Variants in CATSPERE observed in about 807,000 individuals in gnomAD.
CATSPERE encodes cation channel sperm-associated auxiliary subunit epsilon.
Under a neutral mutation model 114.1 loss-of-function variants are expected in CATSPERE, and 93 were observed. The observed-to-expected ratio is 0.81, with a 90% CI of 0.69 to 0.97. The LOEUF is 0.97. CATSPERE is among the 50% of genes least tolerant of loss of function. The probability of loss-of-function intolerance (pLI) is 0.00; values close to 1 mark genes in which losing one functional copy is unlikely to be tolerated. For missense variants in CATSPERE, 1,058 were observed against 1,131.6 expected, an observed-to-expected ratio of 0.93 and a Z score of 0.93; for synonymous variants, 341 against 384.1, an observed-to-expected ratio of 0.89 and a Z score of 1.31.
intron 7 of CATSPERE, among the ~76,000 whole-genome samples, chr1:244,502,103 G>A (rs1388886452): frequency 1.3e-5 from 2 of 152,012 alleles, no homozygotes; most frequent in African/African-American, 2.4e-5. Context: ...TTTCACATGA[G>A]CAGATTGAGG....
In CATSPERE at chr1:244,489,045, T is replaced by TA. The variant is rs780722135; in HGVS notation, c.327-1397dup. On this transcript the variant is annotated intron_variant, in intron 5 of 21. Transcript: ENST00000366534. ...ACTGACTTTTAGAGATGATAAATGCTAAAAATATGCAGGTAACTTTACAGT... is the reference window on the plus strand; with the variant it reads ...ACTGACTTTTAGAGATGATAAATGCTAAAAAATATGCAGGTAACTTTACAGT... Among the ~76,000 whole-genome samples the TA allele has an allele frequency of 3.3e-4, 51 of 152,314 alleles. 1 individual carries two copies. In the East Asian group the frequency reaches 9.1e-3, roughly 27 times the overall value.
chr1:244,578,202 G>A (rs1461262179), intron 11 of CATSPERE, among the ~76,000 whole-genome samples: 1 of 152,156 alleles, frequency 6.6e-6, no homozygotes, highest in Non-Finnish European at 1.5e-5. Flanking sequence ...TGCCCAGGCT[G>A]GAGTGCAGCG....
At chr1:244,473,296 C>G (rs1278088200) in intron 2 of CATSPERE, among the ~76,000 whole-genome samples, 1 of 152,112 alleles carries the variant, frequency 6.6e-6, no homozygotes, top group Non-Finnish European at 1.5e-5. Flanking sequence ...TGGATTTTTG[C>G]AATTCCAATA....
intron 4 of CATSPERE, among the ~76,000 whole-genome samples, chr1:244,478,515 C>A (rs1669723768): frequency 6.6e-6 from 1 of 152,228 alleles, no homozygotes; most frequent in Non-Finnish European, 1.5e-5. Context: ...GATGTTCCCA[C>A]ACAAGTGTGC....
intron 20 of CATSPERE, among the ~76,000 whole-genome samples, chr1:244,627,406 A>G (rs1673340038): frequency 6.6e-6 from 1 of 152,098 alleles, no homozygotes; most frequent in African/African-American, 2.4e-5. Flanking sequence ...TCCCATCACT[A>G]CAACAATTTT....
chr1:244,529,736 C>A (rs1257644539), intron 8 of CATSPERE, among the ~76,000 whole-genome samples: 2 of 151,740 alleles, frequency 1.3e-5, no homozygotes, highest in Non-Finnish European at 2.9e-5. Context: ...TTCTACTTGT[C>A]CATTTTTGCT....
At chr1:244,497,943 C>T (rs1335725278) in intron 6 of CATSPERE, among the ~76,000 whole-genome samples, 1 of 152,078 alleles carries the variant, frequency 6.6e-6, no homozygotes, top group Non-Finnish European at 1.5e-5. Flanking sequence ...ACTGAGAGGG[C>T]ATATTGGTGC....
chr1:244,574,786 A>G (rs1664992970), intron 11 of CATSPERE, among the ~76,000 whole-genome samples: 1 of 152,224 alleles, frequency 6.6e-6, no homozygotes, highest in Non-Finnish European at 1.5e-5. Context: ...CATCCTGTTA[A>G]GTTTCTAAGA....
At chr1:244,511,529 G>A (rs1201662305) in intron 7 of CATSPERE, among the ~76,000 whole-genome samples, 1 of 151,960 alleles carries the variant, frequency 6.6e-6, no homozygotes, top group African/African-American at 2.4e-5. Context: ...TGGTTCTTTT[G>A]TATATCCTTT....
At position 244,512,069 on chromosome 1, in the gene CATSPERE, G is replaced by A. The variant is rs188795563; in HGVS notation, c.430-6523G>A. ...GGAGATCTTTGAGCTTCCTGTACCT[G>A]GATATCTATATATCTTGCAAGGCTT... On this transcript the variant is annotated intron_variant, in intron 7 of 21. Transcript: ENST00000366534. Among the ~76,000 whole-genome samples, 65 of 152,226 alleles carry A rather than the reference G, an allele frequency of 4.3e-4. 1 individual carries two copies. Among genetic ancestry groups the A allele is most frequent in the African/African-American group, 1.5e-3 (63 of 41,532 alleles).
rs1664716650 is a variant in CATSPERE, at chr1:244,573,152, C to T, written c.1950+380C>T. On this transcript the variant is annotated intron_variant, in intron 11 of 21. Coordinates refer to ENST00000366534, the MANE Select transcript of CATSPERE (RefSeq NM_001130957.2). This position sits in a 1 kb window ranked among gnomAD's most constrained non-coding sequence, Gnocchi z 4.0. The stretch of plus-strand genomic sequence containing the variant: ...CTGGGCCGGGCATGGTGGCTCACAC[C>T]TGTAATCCCAGCACTTTGGGAGGCC... Among the ~76,000 whole-genome samples the T allele has an allele frequency of 6.6e-6, 1 of 152,110 alleles. No individual in the cohort carries two copies. Among genetic ancestry groups the T allele is most frequent in the African/African-American group, 2.4e-5 (1 of 41,414 alleles).
At chr1:244,537,199 A>T (rs1179119861) in intron 8 of CATSPERE, among the ~76,000 whole-genome samples, 1 of 152,202 alleles carries the variant, frequency 6.6e-6, no homozygotes, top group African/African-American at 2.4e-5. Flanking sequence ...AAGTTTAAGA[A>T]GGTCCCCTCT....
chr1:244,581,358 T>G (rs2148610797), intron 11 of CATSPERE, among the ~76,000 whole-genome samples: 1 of 152,318 alleles, frequency 6.6e-6, no homozygotes, highest in East Asian at 1.9e-4. Flanking sequence ...GAGGCTATTC[T>G]GAATAATGTT....
chr1:244,570,957 A>T (rs1664346067), intron 10 of CATSPERE, among the ~76,000 whole-genome samples: 1 of 152,230 alleles, frequency 6.6e-6, no homozygotes, highest in Non-Finnish European at 1.5e-5. Flanking sequence ...TGTAAGGCAA[A>T]AAATGGCAAG....
intron 7 of CATSPERE, among the ~76,000 whole-genome samples, chr1:244,512,251 TTGAC>T (rs1675898736): frequency 6.6e-6 from 1 of 152,238 alleles, no homozygotes; most frequent in Non-Finnish European, 1.5e-5. Context: ...TTTTGTTTGT[TTGAC>T]TGGGTTATTG....
At chr1:244,591,596 G>T in intron 14 of CATSPERE, 85 bp from the exon 15 acceptor site, 1 of 749,874 alleles carries the variant, frequency 1.3e-6, no homozygotes, top group South Asian at 1.8e-5. Context: ...TCTCCTGTTT[G>T]AGAATCACTG....
Position 244,595,703 on chromosome 1 carries a change from G to A in CATSPERE, c.2303+2125G>A, listed in dbSNP as rs1044705225. Among the ~76,000 whole-genome samples the A allele has an allele frequency of 1.8e-4, 28 of 152,208 alleles. No homozygotes were observed. In the South Asian group the frequency reaches 3.1e-3, roughly 17 times the overall value. ...TCCCAGCACTTTGGGAGGCCGAGGC[G>A]GGCGGATCACGAGGTCAGGAGATCA... is the stretch of plus-strand genomic sequence containing the variant. On this transcript the variant is annotated intron_variant, in intron 17 of 21. Transcript: ENST00000366534.
chr1:244,518,007 C>T lies in CATSPERE; in HGVS notation c.430-585C>T, dbSNP rs144470663. 1.3e-3 allele frequency among the ~76,000 whole-genome samples: 200 copies of T among 152,284 alleles called. 2 individuals carry two copies. The highest frequency in any genetic ancestry group is 4.7e-3 in the African/African-American group (194 of 41,552). On this transcript the variant is annotated intron_variant, in intron 7 of 21. Transcript: ENST00000366534. ...TAGGATAGAATTCTAGACTAGCCCTCATCATCTGATTTTTTAATTCTAGAA... is the reference window on the plus strand; with the variant it reads ...TAGGATAGAATTCTAGACTAGCCCTTATCATCTGATTTTTTAATTCTAGAA...
chr1:244,485,697 T>TG (rs1332605202), intron 5 of CATSPERE, among the ~76,000 whole-genome samples: 6 of 146,208 alleles, frequency 4.1e-5, no homozygotes, highest in African/African-American at 1.5e-4. Context: ...AATTTTGTTT[T>TG]TTTTGTTTTT....
Sources: allele counts gnomAD v4.1 joint callset (sites outside exome capture counted in the v4.1 genomes callset), GRCh38; gene constraint gnomAD v4.1.1; non-coding constraint Gnocchi (gnomAD v3.1); transcripts MANE v1.5; gene names NCBI Gene and HGNC (gene_info 2026-07-23, HGNC 2026-07-21).